Variants in SBF2 observed in about 807,000 individuals in gnomAD.
The protein encoded by SBF2 is SET binding factor 2.
SBF2 carries 112 observed loss-of-function variants against 225.2 expected under a neutral mutation model. The observed-to-expected ratio is 0.50, with a 90% CI of 0.43 to 0.58. The LOEUF (loss-of-function observed/expected upper bound fraction) is 0.58, where lower values mean the gene tolerates loss of function less well. Among genes scored for constraint, SBF2 ranks in the 20% least tolerant of loss-of-function variants. The probability of loss-of-function intolerance (pLI) is 0.00; values close to 1 mark genes in which losing one functional copy is unlikely to be tolerated. For synonymous variants in SBF2, 763 were observed against 773.3 expected (o/e 0.99, Z 0.22); for missense variants, 1,996 against 2,206.2 (o/e 0.90, Z 1.91).
At chr11:10,225,164 G>A (rs933937846) in intron 1 of SBF2, among the ~76,000 whole-genome samples, 1 of 151,932 alleles carries the variant, frequency 6.6e-6, no homozygotes, top group East Asian at 1.9e-4. Flanking sequence ...CTCAGAATTA[G>A]GATGAAAAAC....
chr11:9,980,289 TAAAAAAAAAAAAA>T lies in SBF2; in HGVS notation c.1395+9195_1395+9207del, dbSNP rs1170874978. On this transcript the variant is annotated intron_variant, in intron 13 of 39. Coordinates refer to ENST00000256190, the MANE Select transcript of SBF2 (RefSeq NM_030962.4). ...GCCACCATACCCAGCCTCTTGTAATTAAAAAAAAAAAAAAAAAAAAAAAATTTGTAGAGATGGA... is the reference window on the plus strand; with the variant it reads ...GCCACCATACCCAGCCTCTTGTAATTAAAAAAAAAAATTTGTAGAGATGGA... 3.8e-5 allele frequency among the ~76,000 whole-genome samples: 4 copies of T among 105,862 alleles called. No individual in the cohort carries two copies. The South Asian group carries it at 1.3e-3, about 35-fold the overall frequency. The allele number at this position is 105,862 out of a possible 152,430, so 69.4% of individuals were successfully genotyped here. A position where few individuals can be genotyped will look rare whatever the true frequency, so the allele number is the denominator to read the frequency against.
At chr11:10,267,272 C>T (rs1962086186) in intron 1 of SBF2, among the ~76,000 whole-genome samples, 1 of 151,562 alleles carries the variant, frequency 6.6e-6, no homozygotes, top group African/African-American at 2.4e-5. Flanking sequence ...AAACTGTCTA[C>T]ACCCAGACTT....
intron 16 of SBF2, among the ~76,000 whole-genome samples, chr11:9,901,170 A>G (rs944753114): frequency 2.0e-5 from 3 of 152,240 alleles, no homozygotes; most frequent in Middle Eastern, 3.2e-3. Flanking sequence ...AATGCAATAA[A>G]TTGGCAAGAA....
intron 29 of SBF2, among the ~76,000 whole-genome samples, chr11:9,816,430 C>G (rs140952611): frequency 2.2e-3 from 336 of 152,236 alleles, no homozygotes; most frequent in African/African-American, 7.2e-3. Context: ...CTCCATTCTT[C>G]TATGTTTCTG....
At chr11:9,842,858 TCTC>T (rs1856261667) in intron 24 of SBF2, 88 bp from the exon 25 acceptor site, 1 of 1,372,166 alleles carries the variant, frequency 7.3e-7, no homozygotes, top group Non-Finnish European at 1.0e-6. Flanking sequence ...AATTGTTTCT[TCTC>T]CTTTCCCACA....
intron 2 of SBF2, chr11:10,165,197 T>A (rs1403101255): frequency 1.3e-5 from 2 of 152,176 alleles, no homozygotes; most frequent in Non-Finnish European, 2.9e-5. Context: ...ATGATTTTGG[T>A]CTTTAGGTGA....
chr11:10,256,559 G>A (rs993296222), intron 1 of SBF2, among the ~76,000 whole-genome samples: 5 of 152,192 alleles, frequency 3.3e-5, no homozygotes, highest in South Asian at 2.1e-4. Context: ...CCTTGAAGCC[G>A]CATTAGTCAG....
chr11:10,247,866 C>T (rs1045917654), intron 1 of SBF2, among the ~76,000 whole-genome samples: 6 of 152,072 alleles, frequency 3.9e-5, no homozygotes, highest in Non-Finnish European at 8.8e-5. Context: ...CTTACAGTAC[C>T]TGATTTTAAC....
At chr11:9,902,945 GAAT>G (rs1165287424) in intron 16 of SBF2, among the ~76,000 whole-genome samples, 4 of 120,154 alleles carry the variant, frequency 3.3e-5, no homozygotes, top group Non-Finnish European at 3.5e-5. Context: ...GGAAAAAATG[GAAT>G]AATAGGAAAA....
intron 2 of SBF2, among the ~76,000 whole-genome samples, chr11:10,188,156 TAAAG>T (rs796452415): frequency 4.6e-5 from 7 of 152,244 alleles, no homozygotes; most frequent in African/African-American, 1.7e-4. Context: ...CATTTTATAA[TAAAG>T]AAGAAATAGG....
intron 1 of SBF2, among the ~76,000 whole-genome samples, chr11:10,203,039 T>C (rs539191568): frequency 7.1e-6 from 1 of 140,756 alleles, no homozygotes; most frequent in African/African-American, 2.7e-5. Context: ...ATCTAGATGT[T>C]TAGCTGGGGT....
At chr11:10,177,060 C>T (rs1156749032) in intron 2 of SBF2, among the ~76,000 whole-genome samples, 1 of 151,134 alleles carries the variant, frequency 6.6e-6, no homozygotes, top group Non-Finnish European at 1.5e-5. Flanking sequence ...TAAATGTAAT[C>T]CAGCATATAA....
At chr11:10,240,012 A>C (rs1959186417) in intron 1 of SBF2, among the ~76,000 whole-genome samples, 1 of 152,182 alleles carries the variant, frequency 6.6e-6, no homozygotes. Context: ...GGTGCCCTTT[A>C]GTAACTAAGT....
At chr11:9,992,706 C>T (rs1398077152) in intron 11 of SBF2, among the ~76,000 whole-genome samples, 163 bp from the exon 12 acceptor site, 1 of 152,024 alleles carries the variant, frequency 6.6e-6, no homozygotes, top group African/African-American at 2.4e-5. Context: ...TTCTGAAATA[C>T]TACATATATT....
chr11:10,064,455 G>C (rs900930725), intron 2 of SBF2, among the ~76,000 whole-genome samples: 1 of 152,004 alleles, frequency 6.6e-6, no homozygotes, highest in African/African-American at 2.4e-5. Context: ...TAAAATAATA[G>C]ATTCCAGCCT....
intron 2 of SBF2, among the ~76,000 whole-genome samples, chr11:10,122,840 G>A (rs1953541307): frequency 6.6e-6 from 1 of 152,156 alleles, no homozygotes; most frequent in African/African-American, 2.4e-5. Flanking sequence ...TCATTTACTA[G>A]AGTAGATTAC....
chr11:10,291,000 G>A (rs1354117504), intron 1 of SBF2, among the ~76,000 whole-genome samples: 1 of 152,162 alleles, frequency 6.6e-6, no homozygotes, highest in African/African-American at 2.4e-5. Context: ...AGATGAGCCA[G>A]GAACAGGTTC....
intron 16 of SBF2, chr11:9,957,423 C>T: frequency 6.6e-6 from 1 of 152,090 alleles, no homozygotes; most frequent in East Asian, 1.9e-4. Context: ...CTTAGCAAAA[C>T]ACACATAAGC....
At chr11:10,056,544 G>C (rs1004954368) in intron 2 of SBF2, among the ~76,000 whole-genome samples, 1 of 152,166 alleles carries the variant, frequency 6.6e-6, no homozygotes, top group Non-Finnish European at 1.5e-5. Context: ...TCTCAGTTTG[G>C]TTGTTGTTGG....
Sources: gnomAD v4.1 joint callset for allele counts (sites outside exome capture counted in the v4.1 genomes callset) on GRCh38, gnomAD v4.1.1 for gene constraint, MANE v1.5 for transcripts, NCBI Gene and HGNC (gene_info 2026-07-23, HGNC 2026-07-21) for gene names.